ME1: variants seen among roughly 807,000 people sequenced by gnomAD.
ME1 encodes NADP-dependent malic enzyme.
Under a neutral mutation model 66.4 loss-of-function variants are expected in ME1, and 74 were observed. That is an observed-to-expected ratio of 1.11 (90% CI 0.92 to 1.35). The LOEUF is 1.35. ME1 is among the 40% of genes most tolerant of loss of function. The pLI is 0.00. For missense variants in ME1, 750 were observed against 694.1 expected (o/e 1.08, Z -0.90); for synonymous variants, 251 against 235.6 (o/e 1.07, Z -0.60).
At chr6:83,218,619 C>G (rs1178719058) in intron 12 of ME1, among the ~76,000 whole-genome samples, 1 of 152,192 alleles carries the variant, frequency 6.6e-6, no homozygotes, top group Non-Finnish European at 1.5e-5. Flanking sequence ...GGAAGCTAGG[C>G]TGAAGCCAGA....
chr6:83,382,487 A>G (rs971866259), intron 3 of ME1, among the ~76,000 whole-genome samples: 12 of 152,130 alleles, frequency 7.9e-5, no homozygotes, highest in Admixed American at 2.0e-4. Context: ...ATGTTAAATT[A>G]CTATAATTAA....
intron 5 of ME1, among the ~76,000 whole-genome samples, chr6:83,316,617 A>G (rs1768035170): frequency 1.3e-5 from 2 of 152,144 alleles, no homozygotes; most frequent in African/African-American, 4.8e-5. Context: ...TTGAAAAAAA[A>G]AGAAGCAAAA....
chr6:83,326,270 C>A (rs1355605506), intron 5 of ME1, among the ~76,000 whole-genome samples: 1 of 152,116 alleles, frequency 6.6e-6, no homozygotes, highest in African/African-American at 2.4e-5. Flanking sequence ...AAACATAACA[C>A]CTAAAACTAT....
intron 4 of ME1, among the ~76,000 whole-genome samples, chr6:83,349,723 A>G (rs891817242): frequency 3.0e-4 from 45 of 152,212 alleles, no homozygotes; most frequent in Non-Finnish European, 8.8e-5. Flanking sequence ...CTTGTTAAAT[A>G]TGACATTCTA....
intron 6 of ME1, among the ~76,000 whole-genome samples, chr6:83,277,765 G>T (rs1767210990): frequency 6.6e-6 from 1 of 152,016 alleles, no homozygotes; most frequent in Non-Finnish European, 1.5e-5. Flanking sequence ...ATCCTAGCGT[G>T]GTGGCACATG....
chr6:83,321,357 T>A lies in ME1; in HGVS notation c.601-5944A>T, dbSNP rs139739973. On this transcript the variant is annotated intron_variant, in intron 5 of 13. Transcript: ENST00000369705. ...CTGAAGCTAAGGAGCCAACTGGTCT[T>A]GCTCAGCAGATTCCATCCCTATGGA... 2.0e-5 allele frequency among the ~76,000 whole-genome samples: 3 copies of A among 152,294 alleles called. No individual in the cohort carries two copies. The East Asian group carries it at 5.8e-4, about 29-fold the overall frequency.
At chr6:83,419,707 T>C (rs1770230677) in intron 1 of ME1, among the ~76,000 whole-genome samples, 1 of 152,198 alleles carries the variant, frequency 6.6e-6, no homozygotes, top group African/African-American at 2.4e-5. Context: ...ACCTCAATTT[T>C]CAAGAATATT....
intron 6 of ME1, among the ~76,000 whole-genome samples, chr6:83,263,664 G>A (rs188275973): frequency 7.2e-5 from 11 of 152,140 alleles, no homozygotes; most frequent in African/African-American, 2.4e-4. Context: ...TTCTATAAAG[G>A]CTGAGAAAGG....
At chr6:83,290,178 T>A (rs1277214637) in intron 6 of ME1, among the ~76,000 whole-genome samples, 1 of 152,184 alleles carries the variant, frequency 6.6e-6, no homozygotes, top group African/African-American at 2.4e-5. Flanking sequence ...AGCTTTTGAA[T>A]ATGTTTGCTC....
At chr6:83,283,584 A>AAAAAAC (rs1171521228) in intron 6 of ME1, among the ~76,000 whole-genome samples, 5 of 152,158 alleles carry the variant, frequency 3.3e-5, no homozygotes, top group Non-Finnish European at 5.9e-5. Context: ...AACTTAAAAT[A>AAAAAAC]AAAAACAAAA....
At chr6:83,259,632 C>A (rs1562462194) in intron 6 of ME1, among the ~76,000 whole-genome samples, 1 of 152,152 alleles carries the variant, frequency 6.6e-6, no homozygotes, top group Admixed American at 6.5e-5. Flanking sequence ...CCGAAGTTGA[C>A]ACAAATTATC....
At chr6:83,346,562 G>A (rs1370039645) in intron 4 of ME1, among the ~76,000 whole-genome samples, 1 of 152,200 alleles carries the variant, frequency 6.6e-6, no homozygotes, top group Non-Finnish European at 1.5e-5. Context: ...AGAAGGGCAA[G>A]TGTGCACATA....
intron 6 of ME1, among the ~76,000 whole-genome samples, chr6:83,293,429 T>C (rs1215697036): frequency 6.6e-6 from 1 of 152,220 alleles, no homozygotes; most frequent in African/African-American, 2.4e-5. Flanking sequence ...CCCCAGCTTT[T>C]GGCAACCACT....
intron 3 of ME1, among the ~76,000 whole-genome samples, chr6:83,370,010 G>T (rs979499197): frequency 2.0e-5 from 3 of 152,050 alleles, no homozygotes; most frequent in Non-Finnish European, 2.9e-5. Context: ...AAGAGAAAAA[G>T]ATAATAGTTC....
intron 3 of ME1, among the ~76,000 whole-genome samples, chr6:83,371,956 A>ATGAT (rs1769199862): frequency 6.6e-6 from 1 of 152,106 alleles, no homozygotes; most frequent in African/African-American, 2.4e-5. Flanking sequence ...CCCCTCCTGT[A>ATGAT]TGATTCCATG....
chr6:83,271,003 T>C (rs1767072435), intron 6 of ME1, among the ~76,000 whole-genome samples: 1 of 150,930 alleles, frequency 6.6e-6, no homozygotes, highest in African/African-American at 2.4e-5. Flanking sequence ...TGAAGTAAAG[T>C]TGTGGCTAGG....
chr6:83,344,392 T>C (rs1296309491), intron 5 of ME1, among the ~76,000 whole-genome samples: 1 of 152,136 alleles, frequency 6.6e-6, no homozygotes, highest in African/African-American at 2.4e-5. Context: ...ATATTACATA[T>C]TTTTGTGATT....
chr6:83,245,708 G>A (rs531813237), intron 7 of ME1, among the ~76,000 whole-genome samples: 22 of 152,054 alleles, frequency 1.4e-4, no homozygotes, highest in Non-Finnish European at 2.9e-4. Context: ...GTGCCTGGCC[G>A]AGGCAAAGTA....
At chr6:83,222,303 C>A (rs763858326) in intron 12 of ME1, among the ~76,000 whole-genome samples, 6 of 152,148 alleles carry the variant, frequency 3.9e-5, no homozygotes, top group Non-Finnish European at 8.8e-5. Context: ...AAGAAAACGA[C>A]AGGAGAACAT....
Sources: allele counts gnomAD v4.1 joint callset (sites outside exome capture counted in the v4.1 genomes callset), GRCh38; gene constraint gnomAD v4.1.1; transcripts MANE v1.5; gene names NCBI Gene and HGNC (gene_info 2026-07-23, HGNC 2026-07-21).